Variants in XKR9 observed in about 807,000 individuals in gnomAD.
XKR9 encodes the protein XK-related protein 9.
Under a neutral mutation model 32.0 loss-of-function variants are expected in XKR9, and 32 were observed. The ratio of observed to expected loss-of-function variants is 1.00; its 90% CI spans 0.76 to 1.34. The LOEUF (loss-of-function observed/expected upper bound fraction) is 1.34. Among genes scored for constraint, XKR9 ranks in the 40% most tolerant of loss-of-function variants. The probability of loss-of-function intolerance (pLI) is 0.00; values close to 1 mark genes in which losing one functional copy is unlikely to be tolerated. For synonymous variants in XKR9, 168 were observed against 143.4 expected, an observed-to-expected ratio of 1.17 and a Z score of -1.22; for missense variants, 546 against 429.7, an observed-to-expected ratio of 1.27 and a Z score of -2.39.
the XKR9 span, among the ~76,000 whole-genome samples, chr8:70,900,439 A>C: frequency 6.6e-6 from 1 of 151,964 alleles, no homozygotes; most frequent in African/African-American, 2.4e-5. Context: ...AAAATACAAA[A>C]TTAGCCAGGC....
the XKR9 span, among the ~76,000 whole-genome samples, chr8:71,053,281 C>T: frequency 1.3e-5 from 2 of 152,206 alleles, no homozygotes; most frequent in South Asian, 2.1e-4. Context: ...TCATTGGATC[C>T]GGAGTATAGC....
chr8:70,749,038 C>G (rs1226447503), intron 2 of XKR9, among the ~76,000 whole-genome samples: 1 of 152,174 alleles, frequency 6.6e-6, no homozygotes, highest in Non-Finnish European at 1.5e-5. Context: ...AGCTACCCAC[C>G]ATGGGTCTCC....
chr8:70,913,259 A>C, the XKR9 span, among the ~76,000 whole-genome samples: 1 of 152,192 alleles, frequency 6.6e-6, no homozygotes, highest in Non-Finnish European at 1.5e-5. Flanking sequence ...CAAGAAATGC[A>C]ATAGCTTTTT....
At chr8:70,729,110 A>G (rs930292411) in intron 4 of XKR9, among the ~76,000 whole-genome samples, 1 of 152,350 alleles carries the variant, frequency 6.6e-6, no homozygotes, top group East Asian at 1.9e-4. Context: ...TAAAGAAAGT[A>G]TGCCATTCCA....
the XKR9 span, among the ~76,000 whole-genome samples, chr8:70,863,468 T>G: frequency 6.6e-6 from 1 of 152,182 alleles, no homozygotes; most frequent in Admixed American, 6.5e-5. Context: ...ATTCCCCATT[T>G]AAACGTAGGG....
intron 2 of XKR9, among the ~76,000 whole-genome samples, chr8:70,754,911 TTGG>T (rs1563469356): frequency 3.3e-4 from 50 of 152,072 alleles, no homozygotes; most frequent in South Asian, 3.1e-3. Flanking sequence ...AAATTGACAA[TTGG>T]GATCTAATTA....
At chr8:71,004,067 A>T in the XKR9 span, among the ~76,000 whole-genome samples, 1,048 of 151,592 alleles carry the variant, frequency 6.9e-3, 11 homozygotes, top group African/African-American at 0.024. Flanking sequence ...ATGGCCCTCG[A>T]AGGAGGGTAA....
the XKR9 span, among the ~76,000 whole-genome samples, chr8:70,870,601 C>T: frequency 1.1e-4 from 16 of 152,116 alleles, no homozygotes; most frequent in African/African-American, 2.9e-4. Context: ...GGTAATTTGC[C>T]GTGTAAAGAC....
chr8:70,965,567 T>A, the XKR9 span, among the ~76,000 whole-genome samples: 1 of 152,212 alleles, frequency 6.6e-6, no homozygotes. Flanking sequence ...TAGCTGTAAA[T>A]CTGTCTGGTC....
chr8:70,850,476 AAAAAAAAAG>A, the XKR9 span, among the ~76,000 whole-genome samples: 2 of 147,308 alleles, frequency 1.4e-5, no homozygotes, highest in Non-Finnish European at 3.0e-5. Flanking sequence ...AAAAAAAAAA[AAAAAAAAAG>A]AAAGAAAATT....
intron 4 of XKR9, among the ~76,000 whole-genome samples, chr8:70,729,566 A>AT (rs1563454335): frequency 6.6e-6 from 1 of 152,166 alleles, no homozygotes; most frequent in African/African-American, 2.4e-5. Flanking sequence ...TTTGTAGCTG[A>AT]TTAGGAAACC....
the XKR9 span, among the ~76,000 whole-genome samples, chr8:70,965,996 GT>G: frequency 6.6e-6 from 1 of 151,990 alleles, no homozygotes; most frequent in Non-Finnish European, 1.5e-5. Context: ...AGTTCTTTTA[GT>G]TGCGATCTTA....
the XKR9 span, among the ~76,000 whole-genome samples, chr8:71,058,270 T>C: frequency 1.3e-5 from 2 of 152,110 alleles, no homozygotes; most frequent in Non-Finnish European, 2.9e-5. Flanking sequence ...TCACTCTGGG[T>C]CAGTTGAAAA....
intron 3 of XKR9, among the ~76,000 whole-genome samples, chr8:70,700,195 C>T (rs1805467464): frequency 6.6e-6 from 1 of 152,220 alleles, no homozygotes; most frequent in Admixed American, 6.5e-5. Flanking sequence ...CAAAGTCATT[C>T]TCTGTCCAGC....
chr8:70,747,776 TTTTA>T (rs1807079041), intron 2 of XKR9, among the ~76,000 whole-genome samples: 1 of 152,224 alleles, frequency 6.6e-6, no homozygotes, highest in Non-Finnish European at 1.5e-5. Flanking sequence ...ATGTAGAAAT[TTTTA>T]TTTAAAGTCC....
At chr8:71,050,258 T>TATAGATAG in the XKR9 span, among the ~76,000 whole-genome samples, 4 of 106,620 alleles carry the variant, frequency 3.8e-5, no homozygotes, top group Non-Finnish European at 6.1e-5. Flanking sequence ...TATATATATA[T>TATAGATAG]ATAGATAGAT....
intron 2 of XKR9, among the ~76,000 whole-genome samples, chr8:70,748,584 G>A (rs1158042951): frequency 1.3e-5 from 2 of 152,234 alleles, no homozygotes; most frequent in African/African-American, 4.8e-5. Flanking sequence ...CTCTGTGCAG[G>A]TCTGCAGGTG....
At chr8:70,962,725 C>CT in the XKR9 span, among the ~76,000 whole-genome samples, 3 of 152,086 alleles carry the variant, frequency 2.0e-5, no homozygotes, top group African/African-American at 4.8e-5. Context: ...GTGCATGAGT[C>CT]TTTTTTTGGT....
chr8:70,739,352 T>A (rs1806924289), downstream of XKR9, among the ~76,000 whole-genome samples: 1 of 152,232 alleles, frequency 6.6e-6, no homozygotes, highest in African/African-American at 2.4e-5. Context: ...ATTTTGAGCC[T>A]ATGTGTGTCT....
Sources: allele counts gnomAD v4.1 joint callset (sites outside exome capture counted in the v4.1 genomes callset), GRCh38; gene constraint gnomAD v4.1.1; transcripts MANE v1.5; gene names NCBI Gene and HGNC (gene_info 2026-07-23, HGNC 2026-07-21).